GLIS3: variants seen among roughly 807,000 people sequenced by gnomAD.
GLIS3 encodes zinc finger protein GLIS3.
A neutral mutation model predicts 78.6 loss-of-function variants in GLIS3; 53 were observed. The ratio of observed to expected loss-of-function variants is 0.67; its 90% CI spans 0.54 to 0.85. The LOEUF (loss-of-function observed/expected upper bound fraction) is 0.85. Ranked by LOEUF, GLIS3 falls within the 40% of genes least tolerant of loss-of-function variation. GLIS3 has a pLI of 0.00. For missense variants in GLIS3, 1,703 were observed against 1,231.1 expected, an observed-to-expected ratio of 1.38 and a Z score of -5.74; for synonymous variants, 684 against 509.9, an observed-to-expected ratio of 1.34 and a Z score of -4.60.
At chr9:4,238,097 G>C (rs1207577149) in intron 2 of GLIS3, among the ~76,000 whole-genome samples, 1 of 152,140 alleles carries the variant, frequency 6.6e-6, no homozygotes, top group East Asian at 1.9e-4. Flanking sequence ...ACAAAGTCAG[G>C]AGTAAGCCTT....
the GLIS3 span, among the ~76,000 whole-genome samples, chr9:4,413,136 A>G: frequency 6.6e-6 from 1 of 152,234 alleles, no homozygotes; most frequent in Admixed American, 6.5e-5. Flanking sequence ...ATCATAATGT[A>G]AAGTGTGCCA....
intron 2 of GLIS3, among the ~76,000 whole-genome samples, chr9:4,220,530 C>G (rs1821236697): frequency 6.6e-6 from 1 of 152,126 alleles, no homozygotes; most frequent in African/African-American, 2.4e-5. Context: ...TGTGGTATTT[C>G]TGCCCAAAGT....
At chr9:4,136,744 C>T (rs997210282) in intron 2 of GLIS3, among the ~76,000 whole-genome samples, 12 of 152,138 alleles carry the variant, frequency 7.9e-5, no homozygotes, top group African/African-American at 2.9e-4. Flanking sequence ...TGAGCTAGGG[C>T]TGCCTACAAG....
the GLIS3 span, among the ~76,000 whole-genome samples, chr9:4,411,730 G>C: frequency 6.6e-6 from 1 of 152,130 alleles, no homozygotes; most frequent in African/African-American, 2.4e-5. Flanking sequence ...TGCTCCCAAA[G>C]AAATAACCCA....
intron 6 of GLIS3, among the ~76,000 whole-genome samples, chr9:3,900,545 A>C (rs1306011636): frequency 6.6e-6 from 1 of 152,196 alleles, no homozygotes; most frequent in Non-Finnish European, 1.5e-5. Context: ...AGCAATACCT[A>C]ATCAGAAAAT....
rs191514814 is a variant in GLIS3 at position 3,969,304 on chromosome 9, A to G, written c.1711-32115T>C. Among the ~76,000 whole-genome samples the G allele has an allele frequency of 7.2e-5, 11 of 152,336 alleles. No individual in the cohort carries two copies. In the South Asian group the frequency reaches 1.2e-3, roughly 17 times the overall value. On this transcript the variant is annotated intron_variant, in intron 4 of 10. Coordinates refer to ENST00000381971, the MANE Select transcript of GLIS3 (RefSeq NM_001042413.2). ...TTCTTTGAATAAAAGGTTGCTTATA[A>G]TTCACATTAGGTTAGAAATGCAGAA... is the stretch of plus-strand genomic sequence containing the variant.
In GLIS3 at chr9:4,049,000, C is replaced by G. The variant is rs1474895720; in HGVS notation, c.1710+68768G>C. Among the ~76,000 whole-genome samples, 5 of 152,210 alleles carry G rather than the reference C, an allele frequency of 3.3e-5. No homozygotes were observed. In the East Asian group the frequency reaches 9.6e-4, roughly 29 times the overall value. On this transcript the variant is annotated intron_variant, in intron 4 of 10. Transcript: ENST00000381971. The stretch of plus-strand genomic sequence containing the variant: ...TCCAACCAAGTCAGCAGACCTCAAT[C>G]TGGACTGAACACCATGGACATACAG...
intron 4 of GLIS3, among the ~76,000 whole-genome samples, chr9:4,094,535 A>G (rs547006711): frequency 1.3e-5 from 2 of 152,344 alleles, no homozygotes; most frequent in South Asian, 2.1e-4. Flanking sequence ...TCCTCAGCCT[A>G]TAACAGGAAT....
the GLIS3 span, among the ~76,000 whole-genome samples, chr9:4,450,135 G>T: frequency 6.6e-6 from 1 of 152,144 alleles, no homozygotes. Flanking sequence ...AAAATAAACA[G>T]TGTAGAGAAG....
At position 3,861,942 on chromosome 9, in the gene GLIS3, TAA is replaced by T. The variant is rs1358458061; in HGVS notation, c.2298-5760_2298-5759del. ...GCAAATGTATCCCAGAACTTAAACT[TAA>T]CTTAAATTAAATTTAAAAAAGAAAG... On this transcript the variant is annotated intron_variant, in intron 8 of 10. Transcript: ENST00000381971. Among the ~76,000 whole-genome samples, 3 of 103,976 alleles carry T rather than the reference TAA, an allele frequency of 2.9e-5. No homozygotes were observed. In the East Asian group the frequency reaches 2.0e-3, roughly 70 times the overall value. 68.2% of individuals were successfully genotyped at this position (103,976 alleles called of 152,430 possible).
intron 2 of GLIS3, among the ~76,000 whole-genome samples, chr9:4,328,281 G>A (rs1222621874): frequency 2.6e-5 from 4 of 152,178 alleles, no homozygotes; most frequent in African/African-American, 4.8e-5. Context: ...CTTGGATCAT[G>A]CTGTGGCCCC....
At position 4,063,352 on chromosome 9, in the gene GLIS3, G is replaced by T. The variant is rs73390484; in HGVS notation, c.1710+54416C>A. Among the ~76,000 whole-genome samples the T allele has an allele frequency of 7.4e-3, 1,127 of 152,224 alleles. 10 individuals are homozygous for T. The highest frequency in any genetic ancestry group is 0.023 in the African/African-American group (942 of 41,522). On this transcript the variant is annotated intron_variant, in intron 4 of 10. Coordinates refer to ENST00000381971, the MANE Select transcript of GLIS3 (RefSeq NM_001042413.2). Reference sequence around the variant, plus strand: ...AACCATACTGCAAAGGGGATGATATGCTTGGCCTGTCAGTTCAGGAAAGCA... The same window carrying T: ...AACCATACTGCAAAGGGGATGATATTCTTGGCCTGTCAGTTCAGGAAAGCA...
intron 4 of GLIS3, among the ~76,000 whole-genome samples, chr9:4,108,165 G>C (rs942617939): frequency 6.6e-6 from 1 of 152,190 alleles, no homozygotes; most frequent in Admixed American, 6.5e-5. Flanking sequence ...CTGTAACATA[G>C]TCACTTTCTT....
chr9:4,473,267 G>A, the GLIS3 span, among the ~76,000 whole-genome samples: 2 of 152,026 alleles, frequency 1.3e-5, no homozygotes, highest in Admixed American at 6.6e-5. Flanking sequence ...CCATCATGGT[G>A]AAACCTTGTC....
At chr9:4,487,194 A>G in the GLIS3 span, among the ~76,000 whole-genome samples, 1 of 152,048 alleles carries the variant, frequency 6.6e-6, no homozygotes, top group Non-Finnish European at 1.5e-5. Context: ...GAGATGGGCA[A>G]TTCCTGATGA....
At chr9:3,970,350 T>C (rs934882297) in intron 4 of GLIS3, among the ~76,000 whole-genome samples, 2 of 152,218 alleles carry the variant, frequency 1.3e-5, no homozygotes, top group African/African-American at 4.8e-5. Flanking sequence ...TATGAGAAGA[T>C]GAATCGTGTT....
At chr9:4,278,239 G>A (rs1324008035) in intron 2 of GLIS3, among the ~76,000 whole-genome samples, 1 of 152,160 alleles carries the variant, frequency 6.6e-6, no homozygotes, top group Non-Finnish European at 1.5e-5. Context: ...TCTGTCCGTA[G>A]AAAAGGCTTA....
intron 6 of GLIS3, among the ~76,000 whole-genome samples, chr9:3,922,175 A>T (rs199677343): frequency 1.3e-5 from 2 of 152,222 alleles, no homozygotes; most frequent in East Asian, 1.9e-4. Flanking sequence ...CTGAAAATAG[A>T]AAGTTGGTTA....
chr9:4,195,132 G>A (rs933219372), intron 2 of GLIS3, among the ~76,000 whole-genome samples: 4 of 152,236 alleles, frequency 2.6e-5, no homozygotes, highest in Non-Finnish European at 5.9e-5. Flanking sequence ...CAACTGAGAG[G>A]TGACAACATG....
Sources: allele counts gnomAD v4.1 joint callset (sites outside exome capture counted in the v4.1 genomes callset), GRCh38; gene constraint gnomAD v4.1.1; transcripts MANE v1.5; gene names NCBI Gene and HGNC (gene_info 2026-07-23, HGNC 2026-07-21).